Variants in MYO6 observed in about 807,000 individuals in gnomAD.
The protein encoded by MYO6 is unconventional myosin-VI.
A neutral mutation model predicts 178.7 loss-of-function variants in MYO6; 74 were observed. The ratio of observed to expected loss-of-function variants is 0.41; its 90% CI spans 0.34 to 0.50. MYO6 has a LOEUF of 0.50. MYO6 is among the 20% of genes least tolerant of loss of function. The pLI is 0.09. For missense variants in MYO6, 1,330 were observed against 1,547.4 expected, an observed-to-expected ratio of 0.86 and a Z score of 2.36; for synonymous variants, 477 against 504.6, an observed-to-expected ratio of 0.95 and a Z score of 0.73.
chr6:75,781,404 C>T (rs1362978875), intron 1 of MYO6, among the ~76,000 whole-genome samples: 3 of 152,126 alleles, frequency 2.0e-5, no homozygotes, highest in Non-Finnish European at 2.9e-5. Flanking sequence ...AATGGTGACT[C>T]TTCAGTGGCC....
intron 1 of MYO6, among the ~76,000 whole-genome samples, chr6:75,808,334 T>A (rs1169691579): frequency 6.6e-6 from 1 of 152,208 alleles, no homozygotes; most frequent in African/African-American, 2.4e-5. Context: ...CTCTGTGTGT[T>A]CCCTTGGCCT....
intron 30 of MYO6, among the ~76,000 whole-genome samples, chr6:75,905,119 C>T (rs1312408067): frequency 6.6e-6 from 1 of 152,206 alleles, no homozygotes; most frequent in Non-Finnish European, 1.5e-5. Flanking sequence ...AGAACCACTG[C>T]TCTCTTCAAG....
chr6:75,866,015 C>T (rs957617679), intron 16 of MYO6, among the ~76,000 whole-genome samples: 5 of 152,088 alleles, frequency 3.3e-5, no homozygotes, highest in Non-Finnish European at 5.9e-5. Context: ...CTCATGTGTG[C>T]GATCTTCCTC....
At chr6:75,773,123 G>A (rs75542101) in intron 1 of MYO6, among the ~76,000 whole-genome samples, 1 of 152,280 alleles carries the variant, frequency 6.6e-6, no homozygotes, top group South Asian at 2.1e-4. Context: ...CATGAGTGGT[G>A]AGAATGAAAC....
rs756146662 is a variant in MYO6, at chr6:75,867,122, A to T, written c.1944+17A>T. 17 of 1,509,510 alleles carry T rather than the reference A, an allele frequency of 1.1e-5. No homozygotes were observed. The highest frequency in any genetic ancestry group is 1.5e-5 in the Non-Finnish European group (17 of 1,114,024). The allele number at this position is 1,509,510 out of a possible 1,614,324, so 93.5% of individuals were successfully genotyped here. ...AAGTTTAAGGTATTTGTGTTATTTA[A>T]TTTTTTTTTTACTATATTTAAAATG... On this transcript the variant is annotated intron_variant, in intron 18 of 34. Transcript: ENST00000369977.
At chr6:75,784,027 G>A (rs182116631) in intron 1 of MYO6, among the ~76,000 whole-genome samples, 4 of 151,982 alleles carry the variant, frequency 2.6e-5, no homozygotes, top group Middle Eastern at 3.4e-3. Context: ...GCTGGAGTGC[G>A]GTGGCGCCAT....
intron 1 of MYO6, among the ~76,000 whole-genome samples, chr6:75,797,203 C>T (rs1446705741): frequency 2.0e-5 from 3 of 152,172 alleles, no homozygotes; most frequent in Admixed American, 6.5e-5. Context: ...GCTTCTCCTG[C>T]GTCAGCCTCC....
At chr6:75,885,433 G>T (rs926842322) in intron 23 of MYO6, among the ~76,000 whole-genome samples, 1 of 152,020 alleles carries the variant, frequency 6.6e-6, no homozygotes, top group Non-Finnish European at 1.5e-5. Context: ...CTACTCAGGA[G>T]GCTGAGGCAT....
At position 75,860,989 on chromosome 6, in the gene MYO6, G is replaced by A. The variant is rs747178742; in HGVS notation, c.1474-34G>A. On this transcript the variant is annotated intron_variant, in intron 14 of 34. Coordinates refer to ENST00000369977, the MANE Select transcript of MYO6 (RefSeq NM_004999.4). ...GCAAAATTCACTATTGCTCAGTATT[G>A]CTGTATCTATGATTATGATTATTTC... The A allele has an allele frequency of 5.7e-6, 8 of 1,415,372 alleles. No individual in the cohort carries two copies. The South Asian group carries it at 6.9e-5, about 12-fold the overall frequency. The allele number at this position is 1,415,372 out of a possible 1,614,324, so 87.7% of individuals were successfully genotyped here. A position where few individuals can be genotyped will look rare whatever the true frequency, so the allele number is the denominator to read the frequency against.
rs542018576 is a variant in MYO6 at position 75,824,635 on chromosome 6, A to G, written c.187+1784A>G. 3.9e-5 allele frequency among the ~76,000 whole-genome samples: 6 copies of G among 152,316 alleles called. No individual in the cohort carries two copies. The East Asian group carries it at 7.7e-4, about 20-fold the overall frequency. On this transcript the variant is annotated intron_variant, in intron 3 of 34. Coordinates refer to ENST00000369977, the MANE Select transcript of MYO6 (RefSeq NM_004999.4). Reference sequence around the variant, plus strand: ...TCTTCTTTATATTATGGTAATGTGAAGATTAAATGATTGATGCCTGTAGAG... The same window carrying G: ...TCTTCTTTATATTATGGTAATGTGAGGATTAAATGATTGATGCCTGTAGAG...
chr6:75,803,011 CT>C (rs1186052975), intron 1 of MYO6, among the ~76,000 whole-genome samples: 1 of 152,090 alleles, frequency 6.6e-6, no homozygotes, highest in African/African-American at 2.4e-5. Context: ...AAAAAGTCTA[CT>C]TTTTGTCCAT....
chr6:75,892,978 T>C (rs1391861557), intron 28 of MYO6, among the ~76,000 whole-genome samples: 2 of 152,034 alleles, frequency 1.3e-5, no homozygotes, highest in Non-Finnish European at 2.9e-5. Context: ...TGTTTAAGAG[T>C]ATAGTATATT....
intron 33 of MYO6, among the ~76,000 whole-genome samples, chr6:75,913,010 G>T (rs1438993712): frequency 1.3e-5 from 2 of 152,074 alleles, no homozygotes; most frequent in South Asian, 4.1e-4. Context: ...TTCAGTATTT[G>T]CAAATTCTTA....
Position 75,898,390 on chromosome 6 carries a change from A to C in MYO6, c.3155A>C (p.Glu1052Ala). 1 of 1,610,486 alleles carries C rather than the reference A, an allele frequency of 6.2e-7. No homozygotes were observed. Among genetic ancestry groups the C allele is most frequent in the Non-Finnish European group, 8.5e-7 (1 of 1,176,828 alleles). The change falls in exon 30 of 35, where the codon GAA (glutamate) becomes GCA (alanine). Residue 1052 changes from glutamate to alanine, a missense_variant. Physicochemically the swap from Glu to Ala is moderately radical, Grantham distance 107. This residue lies in a region of MYO6 where 601 missense variants were observed against 626.1 expected (regional missense o/e 0.96). Coordinates refer to ENST00000369977, the MANE Select transcript of MYO6 (RefSeq NM_004999.4). Reference sequence around the variant, plus strand: ...TCTTGTAGGGAACAAATGGCCAAAGAAATGTCAGAATTTTTGAGTAGGTTA... The same window carrying C: ...TCTTGTAGGGAACAAATGGCCAAAGCAATGTCAGAATTTTTGAGTAGGTTA... ...PKMTPEQMAKEMSEFLSRGPA... is the reference protein window; with the variant it reads ...PKMTPEQMAKAMSEFLSRGPA...
chr6:75,784,805 A>AGG (rs1767370347), intron 1 of MYO6, among the ~76,000 whole-genome samples: 1 of 142,248 alleles, frequency 7.0e-6, no homozygotes, highest in African/African-American at 2.6e-5. Context: ...AAAAAAAAAG[A>AGG]GGGTGGAGCT....
At chr6:75,891,564 AGAGCTTGCAGT>A (rs1330080356) in intron 27 of MYO6, among the ~76,000 whole-genome samples, 1 of 152,142 alleles carries the variant, frequency 6.6e-6, no homozygotes, top group African/African-American at 2.4e-5. Context: ...CCCAGGAGGC[AGAGCTTGCAGT>A]GAGCCAAGAT....
chr6:75,846,973 T>C (rs563300035), intron 10 of MYO6, among the ~76,000 whole-genome samples: 2 of 152,128 alleles, frequency 1.3e-5, no homozygotes, highest in South Asian at 2.1e-4. Flanking sequence ...ATCAGGAGGA[T>C]GAGGTGATCA....
At chr6:75,767,748 C>T (rs1778565861) in intron 1 of MYO6, among the ~76,000 whole-genome samples, 3 of 152,006 alleles carry the variant, frequency 2.0e-5, no homozygotes, top group Admixed American at 1.3e-4. Context: ...AACTTCTGAG[C>T]TCAAGCCATC....
intron 22 of MYO6, among the ~76,000 whole-genome samples, chr6:75,880,924 CACTT>C (rs1777966298): frequency 6.6e-6 from 1 of 152,114 alleles, no homozygotes; most frequent in Non-Finnish European, 1.5e-5. Context: ...TGTTGTCTGT[CACTT>C]AGTAGCAAAA....
Sources: gnomAD v4.1 joint callset for allele counts (sites outside exome capture counted in the v4.1 genomes callset) on GRCh38, gnomAD v4.1.1 for gene constraint, gnomAD v4.1.1 regional missense constraint, MANE v1.5 for transcripts, NCBI Gene and HGNC (gene_info 2026-07-23, HGNC 2026-07-21) for gene names.